The following KDM4C variants were observed in gnomAD, a reference collection of about 807,000 sequenced individuals.
KDM4C encodes lysine demethylase 4C.
KDM4C carries 81 observed loss-of-function variants against 129.3 expected under a neutral mutation model. That is an observed-to-expected ratio of 0.63 (90% CI 0.52 to 0.75). The LOEUF (loss-of-function observed/expected upper bound fraction) is 0.75. Among genes scored for constraint, KDM4C ranks in the 30% least tolerant of loss-of-function variants. The pLI is 0.00. For synonymous variants in KDM4C, 573 were observed against 456.1 expected (o/e 1.26, Z -3.26); for missense variants, 1,457 against 1,304.0 (o/e 1.12, Z -1.81).
chr9:7,105,081 T>C (rs902354492), intron 18 of KDM4C, among the ~76,000 whole-genome samples: 3 of 152,222 alleles, frequency 2.0e-5, no homozygotes, highest in Non-Finnish European at 4.4e-5. Flanking sequence ...TGAGTTGATG[T>C]CCTTTTGCTA....
At position 7,005,531 on chromosome 9, in the gene KDM4C, AAGGG is replaced by A. The variant is rs1409961170; in HGVS notation, c.1787-6166_1787-6163del. Among the ~76,000 whole-genome samples the A allele has an allele frequency of 6.2e-3, 949 of 152,136 alleles. 10 individuals carry two copies. The highest frequency in any genetic ancestry group is 0.022 in the African/African-American group (912 of 41,496). Reference sequence around the variant, plus strand: ...TACTCTAATTTATTTAACTAAAGGTAAGGGGACTAGGCTGCCTTCAGCCAGATTT... The same window carrying A: ...TACTCTAATTTATTTAACTAAAGGTAGACTAGGCTGCCTTCAGCCAGATTT... On this transcript the variant is annotated intron_variant, in intron 12 of 21. Transcript: ENST00000381309.
intron 12 of KDM4C, among the ~76,000 whole-genome samples, chr9:7,002,186 C>T (rs1457243262): frequency 2.0e-5 from 3 of 152,220 alleles, no homozygotes; most frequent in African/African-American, 7.2e-5. Context: ...AGCCACCGCA[C>T]TTGCCTCCCA....
At chr9:6,805,189 G>A (rs1473881622) in intron 2 of KDM4C, among the ~76,000 whole-genome samples, 1 of 152,194 alleles carries the variant, frequency 6.6e-6, no homozygotes, top group East Asian at 1.9e-4. Flanking sequence ...GTGTGCCACT[G>A]CGCCCTGCCA....
chr9:6,884,861 A>T (rs954682802), intron 6 of KDM4C, among the ~76,000 whole-genome samples: 1 of 152,234 alleles, frequency 6.6e-6, no homozygotes, highest in African/African-American at 2.4e-5. Context: ...TCTTAGCAAT[A>T]GCTAATATAT....
intron 8 of KDM4C, among the ~76,000 whole-genome samples, chr9:6,937,367 T>A (rs1825010662): frequency 1.3e-5 from 2 of 152,138 alleles, no homozygotes. Context: ...CAGAGCCTTC[T>A]GCTTGTTATA....
At position 7,045,662 on chromosome 9, in the gene KDM4C, CA is replaced by C. The variant is rs1209834716; in HGVS notation, c.2260-1197del. On this transcript the variant is annotated intron_variant, in intron 15 of 21. Transcript: ENST00000381309. The stretch of plus-strand genomic sequence containing the variant: ...CCTTGAGCTGGGTTTATAATGGATT[CA>C]AATCAATATACACAGTGTATCTTTT... Among the ~76,000 whole-genome samples, 5 of 152,024 alleles carry C rather than the reference CA, an allele frequency of 3.3e-5. No individual in the cohort carries two copies. In the South Asian group the frequency reaches 1.0e-3, roughly 32 times the overall value.
intron 17 of KDM4C, among the ~76,000 whole-genome samples, chr9:7,053,149 T>C (rs1474815306): frequency 6.6e-6 from 1 of 152,200 alleles, no homozygotes; most frequent in Non-Finnish European, 1.5e-5. Context: ...ATGTCTTCCA[T>C]TATATGAAGG....
chr9:6,982,959 A>G (rs1478761990), intron 9 of KDM4C, among the ~76,000 whole-genome samples: 3 of 152,316 alleles, frequency 2.0e-5, no homozygotes, highest in African/African-American at 7.2e-5. Context: ...TCCCTTTGGA[A>G]ATAGCCCATT....
chr9:7,168,337 A>G (rs1201283735), intron 20 of KDM4C, among the ~76,000 whole-genome samples: 2 of 152,158 alleles, frequency 1.3e-5, no homozygotes, highest in Non-Finnish European at 2.9e-5. Context: ...AAATTCAGAC[A>G]AAATTTAGGG....
chr9:6,738,781 G>C (rs1393981221), intron 1 of KDM4C, among the ~76,000 whole-genome samples: 2 of 142,602 alleles, frequency 1.4e-5, no homozygotes, highest in African/African-American at 5.1e-5. Flanking sequence ...TTTTTTTTTT[G>C]AGAGACAGGG....
intron 4 of KDM4C, among the ~76,000 whole-genome samples, chr9:6,829,621 AC>A (rs958047476): frequency 2.4e-4 from 36 of 151,736 alleles, no homozygotes; most frequent in African/African-American, 8.5e-4. Context: ...GAGCTGGGAG[AC>A]CCCCCTTTCC....
intron 8 of KDM4C, among the ~76,000 whole-genome samples, chr9:6,939,976 A>ACCTTCCTACCTT (rs1825582120): frequency 1.1e-5 from 1 of 93,480 alleles, no homozygotes; most frequent in African/African-American, 4.1e-5. Flanking sequence ...CTACCTACCT[A>ACCTTCCTACCTT]CCTTCCTTCC....
intron 4 of KDM4C, among the ~76,000 whole-genome samples, chr9:6,838,076 T>C (rs766774629): frequency 5.9e-5 from 9 of 152,256 alleles, no homozygotes; most frequent in Non-Finnish European, 1.2e-4. Context: ...TTTAACTCTT[T>C]CACTGAGTTT....
chr9:7,056,225 G>T (rs575332003), intron 17 of KDM4C, among the ~76,000 whole-genome samples: 10 of 152,208 alleles, frequency 6.6e-5, no homozygotes, highest in African/African-American at 1.9e-4. Context: ...TTGTGGTATG[G>T]TATGTGGTGT....
intron 15 of KDM4C, among the ~76,000 whole-genome samples, chr9:7,033,851 C>T (rs1214708629): frequency 6.6e-6 from 1 of 152,174 alleles, no homozygotes; most frequent in Admixed American, 6.5e-5. Flanking sequence ...CTGTACTACA[C>T]ACCAGGCTGT....
intron 4 of KDM4C, among the ~76,000 whole-genome samples, chr9:6,822,852 G>T (rs1300630515): frequency 6.6e-6 from 1 of 152,230 alleles, no homozygotes; most frequent in Non-Finnish European, 1.5e-5. Context: ...CAGTAGCCAT[G>T]TACACCTGCA....
At chr9:7,033,384 T>C (rs1320157560) in intron 15 of KDM4C, among the ~76,000 whole-genome samples, 2 of 152,206 alleles carry the variant, frequency 1.3e-5, no homozygotes, top group Non-Finnish European at 2.9e-5. Context: ...CCTCTCTCAT[T>C]TGAGGTAATA....
At chr9:7,092,919 G>T (rs1363493628) in intron 17 of KDM4C, among the ~76,000 whole-genome samples, 1 of 152,058 alleles carries the variant, frequency 6.6e-6, no homozygotes, top group Non-Finnish European at 1.5e-5. Flanking sequence ...AATAGAGGGA[G>T]AATGGAAAGT....
intron 1 of KDM4C, among the ~76,000 whole-genome samples, chr9:6,751,585 CAG>C (rs1373999153): frequency 6.6e-6 from 1 of 152,134 alleles, no homozygotes; most frequent in Non-Finnish European, 1.5e-5. Context: ...TTTATCACAA[CAG>C]GGAATGGATA....
Sources: gnomAD v4.1 joint callset for allele counts (sites outside exome capture counted in the v4.1 genomes callset) on GRCh38, gnomAD v4.1.1 for gene constraint, MANE v1.5 for transcripts, NCBI Gene and HGNC (gene_info 2026-07-23, HGNC 2026-07-21) for gene names.